The following DCAF1 variants were observed in gnomAD, a reference collection of about 807,000 sequenced individuals.
The protein encoded by DCAF1 is DDB1- and CUL4-associated factor 1.
DCAF1 carries 15 observed loss-of-function variants against 128.0 expected under a neutral mutation model. That is an observed-to-expected ratio of 0.12 (90% CI 0.08 to 0.18). DCAF1 has a LOEUF of 0.18. Among genes scored for constraint, DCAF1 ranks in the 10% least tolerant of loss-of-function variants. The pLI is 1.00. For synonymous variants in DCAF1, 610 were observed against 603.0 expected, an observed-to-expected ratio of 1.01 and a Z score of -0.17; for missense variants, 988 against 1,649.5, an observed-to-expected ratio of 0.60 and a Z score of 6.95.
chr3:51,458,256 C>T (rs1703143598), intron 6 of DCAF1, among the ~76,000 whole-genome samples: 1 of 151,972 alleles, frequency 6.6e-6, no homozygotes, highest in Non-Finnish European at 1.5e-5. Context: ...AAGGCAGGGG[C>T]TGCAATCCTA....
In DCAF1 at chr3:51,417,382, G is replaced by A. The variant is rs532618478; in HGVS notation, c.3519-511C>T. On this transcript the variant is annotated intron_variant, in intron 17 of 24. Transcript: ENST00000684031. ...TGCAGTAGGTCATGTTTGTGCCACC[G>A]CACTCCAACCTAAGTGACAGAATGA... Among the ~76,000 whole-genome samples, 7 of 152,158 alleles carry A rather than the reference G, an allele frequency of 4.6e-5. No homozygotes were observed. The South Asian group carries it at 1.5e-3, about 32-fold the overall frequency.
At chr3:51,440,387 G>A (rs1239215215) in intron 9 of DCAF1, among the ~76,000 whole-genome samples, 2 of 152,086 alleles carry the variant, frequency 1.3e-5, no homozygotes, top group African/African-American at 4.8e-5. Flanking sequence ...CAAAGCAGAA[G>A]GATTGCTTCA....
chr3:51,407,983 T>TAAAA (rs1559474297), intron 23 of DCAF1, among the ~76,000 whole-genome samples: 2 of 2,966 alleles, frequency 6.7e-4, no homozygotes, highest in Non-Finnish European at 2.1e-3. Context: ...AGACTCCATC[T>TAAAA]CAAAAAAAAA....
intron 4 of DCAF1, among the ~76,000 whole-genome samples, chr3:51,469,216 C>T (rs1418615314): frequency 6.7e-6 from 1 of 148,160 alleles, no homozygotes; most frequent in African/African-American, 2.5e-5. Flanking sequence ...TTTTTCCACA[C>T]ACAAATTTTT....
rs1553639605 is a variant in DCAF1 at position 51,443,886 on chromosome 3, A to T, written c.393T>A (p.Asn131Lys). ...CGGCCTCTCGGGCCCATTTGAAAAG[A>T]TTCTCGACAATTCCCTCCTATAGTA... Reference protein sequence around the residue: ...VFQEKEGIVENLFKWAREADQ... With the variant: ...VFQEKEGIVEKLFKWAREADQ... The change falls in exon 7 of 25, where the codon AAT becomes AAA. Residue 131 changes from asparagine to lysine, a missense_variant. Asn to Lys is a moderately conservative substitution (Grantham distance 94, BLOSUM62 0). Transcript: ENST00000684031. 2 of 1,602,794 alleles carry T rather than the reference A, an allele frequency of 1.2e-6. No individual in the cohort carries two copies. The highest frequency in any genetic ancestry group is 1.7e-6 in the Non-Finnish European group (2 of 1,177,208).
intron 3 of DCAF1, among the ~76,000 whole-genome samples, chr3:51,478,748 C>T (rs1307245898): frequency 1.3e-5 from 2 of 152,110 alleles, no homozygotes; most frequent in Admixed American, 6.6e-5. Context: ...CTCAGCCTTC[C>T]GAAGTGCTGG....
rs77309098 is a variant in DCAF1 at position 51,494,538 on chromosome 3, C to T, written c.-9+2196G>A. ...AAAATGGGTAGTCGTTAATTTTATG[C>T]TACGTAAATTTACCACAATTTTTTA... On this transcript the variant is annotated intron_variant, in intron 2 of 24. Transcript: ENST00000684031. 8.0e-3 allele frequency among the ~76,000 whole-genome samples: 1,222 copies of T among 152,130 alleles called. 150 individuals carry two copies. In the East Asian group the frequency reaches 0.21, roughly 26 times the overall value.
downstream of DCAF1, chr3:51,396,303 CA>C: frequency 5.4e-6 from 1 of 185,668 alleles, no homozygotes; most frequent in Non-Finnish European, 1.2e-5. Flanking sequence ...CCCATGGCCC[CA>C]AAAAGAACTG....
Position 51,418,669 on chromosome 3 carries a change from A to C in DCAF1, c.3435+9T>G. The C allele has an allele frequency of 6.2e-7, 1 of 1,604,188 alleles. No homozygotes were observed. The highest frequency in any genetic ancestry group is 8.5e-7 in the Non-Finnish European group (1 of 1,174,976). On this transcript the variant is annotated intron_variant, in intron 16 of 24. Coordinates refer to ENST00000684031, the MANE Select transcript of DCAF1 (RefSeq NM_001387579.1). Reference sequence around the variant, plus strand: ...AATGACTGAGAGCATCCTAGGAAGGAACCCTTACCCTGGAAGGTTCAAGAT... The same window carrying C: ...AATGACTGAGAGCATCCTAGGAAGGCACCCTTACCCTGGAAGGTTCAAGAT...
chr3:51,457,173 T>C (rs1553643083), intron 6 of DCAF1, among the ~76,000 whole-genome samples: 1 of 151,950 alleles, frequency 6.6e-6, no homozygotes, highest in Non-Finnish European at 1.5e-5. Flanking sequence ...GAAAAAAAAT[T>C]AGACAAATGG....
At chr3:51,399,399 T>G (rs2089477817) in intron 24 of DCAF1, among the ~76,000 whole-genome samples, 1 of 152,034 alleles carries the variant, frequency 6.6e-6, no homozygotes, top group Non-Finnish European at 1.5e-5. Context: ...AGTCTGCAAA[T>G]TATATTCCCA....
At chr3:51,431,317 G>C (rs1700351838) in intron 10 of DCAF1, among the ~76,000 whole-genome samples, 1 of 150,770 alleles carries the variant, frequency 6.6e-6, no homozygotes, top group Admixed American at 6.6e-5. Flanking sequence ...CAGGAGTTCA[G>C]GACCAGCCTA....
Position 51,483,940 on chromosome 3 carries a change from T to G in DCAF1, c.-8-104A>C, listed in dbSNP as rs1706591717. ...AGGACGAGAAGGCAAGAGAAAAAAT[T>G]AAAAAGGGAAATTTAACCCCTTGAA... On this transcript the variant is annotated intron_variant, in intron 2 of 24. Coordinates refer to ENST00000684031, the MANE Select transcript of DCAF1 (RefSeq NM_001387579.1). The G allele has an allele frequency of 2.2e-5, 18 of 801,856 alleles. 1 individual carries two copies. The South Asian group carries it at 2.8e-4, about 13-fold the overall frequency. 49.7% of individuals were successfully genotyped at this position (801,856 alleles called of 1,614,324 possible). A position where few individuals can be genotyped will look rare whatever the true frequency, so the allele number is the denominator to read the frequency against.
At chr3:51,501,776 A>C (rs1380942767), upstream of DCAF1, among the ~76,000 whole-genome samples, 1 of 152,166 alleles carries the variant, frequency 6.6e-6, no homozygotes, top group Non-Finnish European at 1.5e-5. Context: ...CACAACACAC[A>C]GGTCCCTTCT....
chr3:51,499,673 A>G (rs372947912), intron 1 of DCAF1, among the ~76,000 whole-genome samples, 200 bp downstream of exon 1: 118 of 151,292 alleles, frequency 7.8e-4, no homozygotes, highest in African/African-American at 2.8e-3. Flanking sequence ...CGCCCCCAGG[A>G]CAAGAATCAG....
intron 6 of DCAF1, among the ~76,000 whole-genome samples, chr3:51,461,844 T>G (rs1373097552): frequency 2.0e-5 from 3 of 151,782 alleles, no homozygotes; most frequent in African/African-American, 7.3e-5. Flanking sequence ...TTCTCACTCA[T>G]AGGTGGGAAT....
intron 5 of DCAF1, among the ~76,000 whole-genome samples, chr3:51,466,223 A>C (rs1418122210): frequency 2.0e-5 from 3 of 152,150 alleles, no homozygotes; most frequent in Admixed American, 1.3e-4. Flanking sequence ...AAGAAAAAGA[A>C]GGCAGTGAGA....
At chr3:51,421,126 T>C (rs1699352650) in intron 14 of DCAF1, 129 bp from the exon 15 acceptor site, 1 of 1,093,664 alleles carries the variant, frequency 9.1e-7, no homozygotes, top group Non-Finnish European at 1.3e-6. Flanking sequence ...TTGTAAAAAC[T>C]GCAAGGGTTT....
intron 18 of DCAF1, 66 bp downstream of exon 18, chr3:51,416,721 C>T: frequency 6.4e-6 from 10 of 1,552,700 alleles, no homozygotes; most frequent in Non-Finnish European, 8.7e-6. Flanking sequence ...CACATTCTAT[C>T]AAGAAGATTT....
Sources: gnomAD v4.1 joint callset for allele counts (sites outside exome capture counted in the v4.1 genomes callset) on GRCh38, gnomAD v4.1.1 for gene constraint, MANE v1.5 for transcripts, NCBI Gene and HGNC (gene_info 2026-07-23, HGNC 2026-07-21) for gene names.